The following ACSM1 variants were observed in gnomAD, a reference collection of about 807,000 sequenced individuals.
The protein encoded by ACSM1 is acyl-coenzyme A synthetase ACSM1, mitochondrial.
In ACSM1, 79 loss-of-function variants were observed where a neutral mutation model predicts 75.8. That is an observed-to-expected ratio of 1.04 (90% CI 0.87 to 1.26). ACSM1 has a LOEUF of 1.26. ACSM1 is among the 50% of genes most tolerant of loss of function. The pLI is 0.00. For synonymous variants in ACSM1, 279 were observed against 265.8 expected (o/e 1.05, Z -0.48); for missense variants, 676 against 720.1 (o/e 0.94, Z 0.70).
chr16:20,657,152 T>C (rs1176398260), intron 7 of ACSM1, among the ~76,000 whole-genome samples: 1 of 152,194 alleles, frequency 6.6e-6, no homozygotes, highest in Non-Finnish European at 1.5e-5. Context: ...AGAACAATGC[T>C]TATATTTTGA....
chr16:20,625,575 C>A (rs538593325), intron 11 of ACSM1, 53 bp from the exon 12 acceptor site: 2 of 1,510,508 alleles, frequency 1.3e-6, no homozygotes, highest in Admixed American at 1.8e-5. Context: ...GAACCAAGTC[C>A]CCAGATCTCC....
intron 3 of ACSM1, 72 bp from the exon 4 acceptor site, chr16:20,682,535 G>A: frequency 1.7e-6 from 2 of 1,207,450 alleles, no homozygotes; most frequent in Non-Finnish European, 2.4e-6. Flanking sequence ...TGGCTTGTCT[G>A]CATCGAAATA....
intron 13 of ACSM1, among the ~76,000 whole-genome samples, chr16:20,623,880 A>G (rs2016756083): frequency 6.6e-6 from 1 of 152,208 alleles, no homozygotes; most frequent in Non-Finnish European, 1.5e-5. Flanking sequence ...CAGGTCCCAT[A>G]TGGAGGCTGC....
At chr16:20,654,789 C>A (rs2018853615) in intron 7 of ACSM1, among the ~76,000 whole-genome samples, 1 of 152,166 alleles carries the variant, frequency 6.6e-6, no homozygotes, top group Non-Finnish European at 1.5e-5. Context: ...AACACTTTTA[C>A]ACTGTTGGTG....
At chr16:20,631,781 C>T (rs763005410) in intron 10 of ACSM1, among the ~76,000 whole-genome samples, 1 of 152,100 alleles carries the variant, frequency 6.6e-6, no homozygotes, top group Non-Finnish European at 1.5e-5. Flanking sequence ...AACCAAATAG[C>T]GTATGTTCTC....
chr16:20,663,997 A>G (rs2019433011), intron 6 of ACSM1, among the ~76,000 whole-genome samples: 1 of 152,020 alleles, frequency 6.6e-6, no homozygotes, highest in Non-Finnish European at 1.5e-5. Context: ...TGTAAGTTGT[A>G]ATCTATGACT....
chr16:20,636,402 C>A (rs1364537915), intron 10 of ACSM1, among the ~76,000 whole-genome samples: 1 of 152,110 alleles, frequency 6.6e-6, no homozygotes, highest in Non-Finnish European at 1.5e-5. Flanking sequence ...CCTGGAGGCT[C>A]AGCGAGGATA....
chr16:20,636,971 T>TA (rs561947993), intron 9 of ACSM1, 131 bp from the exon 10 acceptor site: 7 of 718,106 alleles, frequency 9.7e-6, no homozygotes, highest in Admixed American at 2.3e-5. Context: ...GAAAATGGAA[T>TA]AAAACTGTCA....
intron 3 of ACSM1, among the ~76,000 whole-genome samples, chr16:20,683,684 G>A (rs1567308558): frequency 7.0e-6 from 1 of 142,858 alleles, no homozygotes; most frequent in African/African-American, 2.6e-5. Context: ...ACCACGCCTG[G>A]CTAATTCTTT....
At chr16:20,657,669 C>T (rs1424727750) in intron 7 of ACSM1, among the ~76,000 whole-genome samples, 1 of 152,048 alleles carries the variant, frequency 6.6e-6, no homozygotes, top group East Asian at 1.9e-4. Flanking sequence ...AGGTTTGTTA[C>T]ATATGGATAC....
chr16:20,633,615 G>T (rs7203759), intron 10 of ACSM1, among the ~76,000 whole-genome samples: 136,887 of 152,304 alleles, frequency 0.9, 61,785 homozygotes, highest in East Asian at 1. Context: ...TATCTACAGA[G>T]GCAACACAAT....
intron 7 of ACSM1, among the ~76,000 whole-genome samples, chr16:20,651,694 T>C (rs1403615447): frequency 1.3e-5 from 2 of 152,122 alleles, no homozygotes; most frequent in South Asian, 2.1e-4. Flanking sequence ...AGAGCTCTAA[T>C]TAATTGGCTT....
At chr16:20,681,005 G>C (rs924424052) in intron 4 of ACSM1, 2 of 152,196 alleles carry the variant, frequency 1.3e-5, no homozygotes, top group Admixed American at 1.3e-4. Flanking sequence ...CACAAAAATA[G>C]ACACAAATGT....
chr16:20,623,718 G>C (rs989741996), intron 13 of ACSM1, 146 bp from the exon 14 acceptor site: 2 of 855,316 alleles, frequency 2.3e-6, no homozygotes, highest in Admixed American at 2.5e-5. Flanking sequence ...AGTATTTCAG[G>C]TTCTCCCCCT....
chr16:20,665,871 TAA>T (rs934974478), intron 6 of ACSM1, among the ~76,000 whole-genome samples: 6 of 151,894 alleles, frequency 4.0e-5, no homozygotes, highest in African/African-American at 1.5e-4. Context: ...TTAAACAGAA[TAA>T]AAAAGAAAAG....
rs2018490899 is a variant in ACSM1 at position 20,648,825 on chromosome 16, A to G, written c.993-8241T>C. On this transcript the variant is annotated intron_variant, in intron 7 of 13. Transcript: ENST00000520010. This position sits in a 1 kb window ranked among gnomAD's most constrained non-coding sequence, Gnocchi z 4.2. Reference sequence around the variant, plus strand: ...ATATACACCTTACGTGTATTAATTGATGTCTTATGTTTCCCTAAAAATATA... The same window carrying G: ...ATATACACCTTACGTGTATTAATTGGTGTCTTATGTTTCCCTAAAAATATA... Among the ~76,000 whole-genome samples the G allele has an allele frequency of 6.6e-6, 1 of 152,126 alleles. No individual in the cohort carries two copies. The highest frequency in any genetic ancestry group is 1.5e-5 in the Non-Finnish European group (1 of 68,026).
intron 7 of ACSM1, among the ~76,000 whole-genome samples, chr16:20,660,875 T>C (rs1459330108): frequency 6.6e-6 from 1 of 152,148 alleles, no homozygotes; most frequent in African/African-American, 2.4e-5. Flanking sequence ...TAAAGTTGTA[T>C]TAAGATAACA....
At position 20,624,099 on chromosome 16, in the gene ACSM1, C is replaced by T; in HGVS notation, c.1644G>A (p.Arg548=). The T allele has an allele frequency of 6.2e-7, 1 of 1,612,110 alleles. No individual in the cohort carries two copies. The highest frequency in any genetic ancestry group is 8.5e-7 in the Non-Finnish European group (1 of 1,178,672). Residue 548 remains arginine, a synonymous_variant, in exon 13 of 14, where the codon AGG becomes AGA. Transcript: ENST00000520010. Reference sequence around the variant, plus strand: ...CCTTCCATCTGCCCTCACTCACCTTCCTTGGGTACTTGTATGGGGCTGTCA... The same window carrying T: ...CCTTCCATCTGCCCTCACTCACCTTTCTTGGGTACTTGTATGGGGCTGTCA... ...KSVTAPYKYP[R]KVEFVSELPK...
At position 20,671,440 on chromosome 16, in the gene ACSM1, G is replaced by GAGAC. The variant is rs71377675; in HGVS notation, c.752+90_752+91insGTCT. 29 of 970,734 alleles carry GAGAC rather than the reference G, an allele frequency of 3.0e-5. No homozygotes were observed. In the African/African-American group the frequency reaches 4.9e-4, roughly 16 times the overall value. 60.1% of individuals were successfully genotyped at this position (970,734 alleles called of 1,614,324 possible). A position where few individuals can be genotyped will look rare whatever the true frequency, so the allele number is the denominator to read the frequency against. ...CTTCTACTTCCAGTTCCTTTCCCAA[G>GAGAC]ACACACACACACACACACACACACA... On this transcript the variant is annotated intron_variant, in intron 5 of 13. Transcript: ENST00000520010.
Sources: allele counts gnomAD v4.1 joint callset (sites outside exome capture counted in the v4.1 genomes callset), GRCh38; gene constraint gnomAD v4.1.1; non-coding constraint Gnocchi (gnomAD v3.1); transcripts MANE v1.5; gene names NCBI Gene and HGNC (gene_info 2026-07-23, HGNC 2026-07-21).